The following THSD4 variants were observed in gnomAD, a reference collection of about 807,000 sequenced individuals.
THSD4 encodes thrombospondin type 1 domain containing 4, also known as thrombospondin type-1 domain-containing protein 4.
A neutral mutation model predicts 119.0 loss-of-function variants in THSD4; 69 were observed. That is an observed-to-expected ratio of 0.58 (90% CI 0.48 to 0.71). THSD4 has a LOEUF of 0.71. Ranked by LOEUF, THSD4 falls within the 30% of genes least tolerant of loss-of-function variation. THSD4 has a pLI of 0.00. For missense variants in THSD4, 1,393 were observed against 1,391.1 expected, an observed-to-expected ratio of 1.00 and a Z score of -0.02; for synonymous variants, 524 against 540.4, an observed-to-expected ratio of 0.97 and a Z score of 0.42.
At chr15:71,455,920 G>A (rs2047332798) in intron 7 of THSD4, among the ~76,000 whole-genome samples, 1 of 152,122 alleles carries the variant, frequency 6.6e-6, no homozygotes, top group Non-Finnish European at 1.5e-5. Context: ...CATTGATCCT[G>A]CCCCGTTGAG....
At chr15:71,388,969 A>G (rs949265650) in intron 6 of THSD4, among the ~76,000 whole-genome samples, 6 of 151,846 alleles carry the variant, frequency 4.0e-5, no homozygotes, top group African/African-American at 1.5e-4. Flanking sequence ...ATGAGATTTG[A>G]TGGTTTTATA....
intron 7 of THSD4, among the ~76,000 whole-genome samples, chr15:71,617,473 C>T (rs1051680899): frequency 1.3e-5 from 2 of 152,054 alleles, no homozygotes; most frequent in African/African-American, 2.4e-5. Context: ...TTTAAACTTT[C>T]CCAGGACTCA....
At position 71,218,870 on chromosome 15, in the gene THSD4, A is replaced by T. The variant is rs181152003; in HGVS notation, c.464+3471A>T. Among the ~76,000 whole-genome samples the T allele has an allele frequency of 1.0e-3, 153 of 152,336 alleles. 2 individuals carry two copies. Among genetic ancestry groups the T allele is most frequent in the African/African-American group, 3.6e-3 (149 of 41,582 alleles). ...AAACTTCATTGGAGTCAGATAACAA[A>T]TGAAGCTATTCAACCTTCCACCAGA... On this transcript the variant is annotated intron_variant, in intron 4 of 17. Coordinates refer to ENST00000261862, the MANE Select transcript of THSD4 (RefSeq NM_024817.3).
intron 7 of THSD4, among the ~76,000 whole-genome samples, chr15:71,635,137 T>C (rs995539674): frequency 6.6e-6 from 1 of 152,194 alleles, no homozygotes; most frequent in African/African-American, 2.4e-5. Flanking sequence ...GATTTGAAGC[T>C]CTCACAGCTG....
chr15:71,414,004 G>A (rs2046724419), intron 7 of THSD4, among the ~76,000 whole-genome samples: 1 of 152,188 alleles, frequency 6.6e-6, no homozygotes. Flanking sequence ...GAATACAGGT[G>A]CACACTGTTG....
intron 7 of THSD4, among the ~76,000 whole-genome samples, chr15:71,469,085 C>G (rs1022805468): frequency 4.6e-5 from 7 of 152,230 alleles, no homozygotes; most frequent in Non-Finnish European, 1.0e-4. Context: ...ACATCCATCC[C>G]TTTTCTTGCC....
At chr15:71,145,551 A>G (rs1029480901) in intron 2 of THSD4, among the ~76,000 whole-genome samples, 5 of 151,242 alleles carry the variant, frequency 3.3e-5, no homozygotes, top group African/African-American at 1.2e-4. Context: ...ACTTAGAAAT[A>G]CAACCAAAAG....
intron 1 of THSD4, among the ~76,000 whole-genome samples, chr15:71,137,876 G>T (rs1490701700): frequency 6.6e-6 from 1 of 152,110 alleles, no homozygotes; most frequent in Non-Finnish European, 1.5e-5. Context: ...ATATATGTCT[G>T]GTTATTTATT....
chr15:71,428,815 T>C (rs2140528850), intron 7 of THSD4, among the ~76,000 whole-genome samples: 1 of 152,330 alleles, frequency 6.6e-6, no homozygotes, highest in Non-Finnish European at 1.5e-5. Flanking sequence ...TGCAGATATT[T>C]TTCTACATCT....
intron 6 of THSD4, among the ~76,000 whole-genome samples, chr15:71,294,023 G>C (rs1020156312): frequency 1.3e-5 from 2 of 151,840 alleles, no homozygotes; most frequent in African/African-American, 4.8e-5. Flanking sequence ...TGATCTCCTA[G>C]CCTTTGCTTT....
intron 6 of THSD4, among the ~76,000 whole-genome samples, chr15:71,291,264 A>G (rs1420091525): frequency 6.6e-6 from 1 of 152,170 alleles, no homozygotes; most frequent in Non-Finnish European, 1.5e-5. Flanking sequence ...AAACATTTCT[A>G]TATATCTGTA....
At chr15:71,439,181 C>A (rs1219069054) in intron 7 of THSD4, among the ~76,000 whole-genome samples, 1 of 152,252 alleles carries the variant, frequency 6.6e-6, no homozygotes, top group African/African-American at 2.4e-5. Flanking sequence ...GAACCGTCTT[C>A]TGCCATTCAG....
At chr15:71,665,553 T>C (rs2051401040) in intron 8 of THSD4, among the ~76,000 whole-genome samples, 1 of 152,248 alleles carries the variant, frequency 6.6e-6, no homozygotes, top group African/African-American at 2.4e-5. Context: ...TTTAGCATCT[T>C]CATCATGAAA....
At chr15:71,700,629 G>A (rs2052266836) in intron 8 of THSD4, among the ~76,000 whole-genome samples, 1 of 151,992 alleles carries the variant, frequency 6.6e-6, no homozygotes, top group African/African-American at 2.4e-5. Flanking sequence ...TTTGAATAAA[G>A]ATGAAGTGAA....
At chr15:71,684,395 A>T (rs1344813593) in intron 8 of THSD4, among the ~76,000 whole-genome samples, 1 of 152,144 alleles carries the variant, frequency 6.6e-6, no homozygotes, top group Non-Finnish European at 1.5e-5. Flanking sequence ...TCTGATTTTA[A>T]TGTGAATGCT....
At chr15:71,755,006 C>G (rs566520422) in intron 14 of THSD4, among the ~76,000 whole-genome samples, 1 of 152,308 alleles carries the variant, frequency 6.6e-6, no homozygotes, top group Admixed American at 6.5e-5. Context: ...TTTGTGCAGA[C>G]TTGTCTTGGA....
chr15:71,479,624 G>A (rs2047700083), intron 7 of THSD4, among the ~76,000 whole-genome samples: 1 of 152,116 alleles, frequency 6.6e-6, no homozygotes, highest in South Asian at 2.1e-4. Flanking sequence ...AGGCTGGGCT[G>A]TTTTTTATAT....
intron 1 of THSD4, among the ~76,000 whole-genome samples, chr15:71,116,755 A>T (rs1278619669): frequency 6.6e-6 from 1 of 152,092 alleles, no homozygotes; most frequent in African/African-American, 2.4e-5. Context: ...GACCCCTGAC[A>T]GTCTGAAGAT....
At chr15:71,146,672 C>T (rs1284951875) in intron 2 of THSD4, among the ~76,000 whole-genome samples, 4 of 152,070 alleles carry the variant, frequency 2.6e-5, no homozygotes, top group Non-Finnish European at 5.9e-5. Flanking sequence ...CTGGGGGGTG[C>T]AGAAGTGTGC....
Sources: allele counts gnomAD v4.1 joint callset (sites outside exome capture counted in the v4.1 genomes callset), GRCh38; gene constraint gnomAD v4.1.1; transcripts MANE v1.5; gene names NCBI Gene and HGNC (gene_info 2026-07-23, HGNC 2026-07-21).